CDH10: variants seen among roughly 807,000 people sequenced by gnomAD.
CDH10 encodes the protein cadherin-10.
Under a neutral mutation model 73.1 loss-of-function variants are expected in CDH10, and 30 were observed. The observed-to-expected ratio is 0.41, with a 90% CI of 0.31 to 0.56. CDH10 has a LOEUF of 0.56. Among genes scored for constraint, CDH10 ranks in the 20% least tolerant of loss-of-function variants. The probability of loss-of-function intolerance (pLI) is 0.27; values close to 1 mark genes in which losing one functional copy is unlikely to be tolerated. For synonymous variants in CDH10, 345 were observed against 348.2 expected (o/e 0.99, Z 0.10); for missense variants, 815 against 973.7 (o/e 0.84, Z 2.17).
chr5:24,561,332 T>G (rs1184080950), intron 2 of CDH10, among the ~76,000 whole-genome samples: 1 of 152,144 alleles, frequency 6.6e-6, no homozygotes, highest in East Asian at 1.9e-4. Context: ...TAATTTGAGT[T>G]TATTTCATAA....
chr5:24,539,357 T>C (rs1457309488), intron 2 of CDH10, among the ~76,000 whole-genome samples: 1 of 151,984 alleles, frequency 6.6e-6, no homozygotes, highest in African/African-American at 2.4e-5. Context: ...TTATGAGAAC[T>C]TATTTCAATG....
chr5:24,490,476 A>T (rs552232609), intron 11 of CDH10, among the ~76,000 whole-genome samples: 2 of 152,272 alleles, frequency 1.3e-5, no homozygotes, highest in South Asian at 4.1e-4. Flanking sequence ...AACTACATAA[A>T]AATCTAATCT....
At chr5:24,633,099 C>T (rs1747757022) in intron 1 of CDH10, among the ~76,000 whole-genome samples, 1 of 114,460 alleles carries the variant, frequency 8.7e-6, no homozygotes, top group Admixed American at 1.0e-4. Flanking sequence ...TTCATGTTTA[C>T]CTTCAGATAA....
At chr5:24,506,536 TTG>T (rs1742706556) in intron 7 of CDH10, among the ~76,000 whole-genome samples, 1 of 152,194 alleles carries the variant, frequency 6.6e-6, no homozygotes, top group Non-Finnish European at 1.5e-5. Flanking sequence ...ATTTACCACA[TTG>T]TGTTAGGAAT....
intron 1 of CDH10, among the ~76,000 whole-genome samples, chr5:24,626,836 G>C (rs912625045): frequency 7.5e-5 from 11 of 147,136 alleles, no homozygotes; most frequent in African/African-American, 2.5e-4. Context: ...ATATATATAA[G>C]TGTATATATA....
At chr5:24,568,790 C>T (rs1745256184) in intron 2 of CDH10, among the ~76,000 whole-genome samples, 1 of 152,014 alleles carries the variant, frequency 6.6e-6, no homozygotes, top group Non-Finnish European at 1.5e-5. Flanking sequence ...ATGGTATATA[C>T]ACAATACAAC....
At position 24,535,282 on chromosome 5, in the gene CDH10, T is replaced by C. The variant is rs1217476526; in HGVS notation, c.647-3A>G. Reference sequence around the variant, plus strand: ...CGGTAAAGCAGTCCTGATGATACCTTGAGAAAATATAAAAAAACTTCCATT... The same window carrying C: ...CGGTAAAGCAGTCCTGATGATACCTCGAGAAAATATAAAAAAACTTCCATT... On this transcript the variant is annotated splice_region_variant and splice_polypyrimidine_tract_variant and intron_variant, in intron 4 of 11. Coordinates refer to ENST00000264463, the MANE Select transcript of CDH10 (RefSeq NM_006727.5). 6 of 1,600,236 alleles carry C rather than the reference T, an allele frequency of 3.7e-6. No homozygotes were observed. The highest frequency in any genetic ancestry group is 1.8e-5 in the Admixed American group (1 of 55,582).
At chr5:24,567,396 C>A (rs1745203917) in intron 2 of CDH10, among the ~76,000 whole-genome samples, 1 of 150,890 alleles carries the variant, frequency 6.6e-6, no homozygotes, top group African/African-American at 2.4e-5. Context: ...CCCAAAATGC[C>A]CATTAACAGG....
chr5:24,533,201 C>T (rs1035816153), intron 5 of CDH10, among the ~76,000 whole-genome samples: 2 of 151,886 alleles, frequency 1.3e-5, no homozygotes, highest in Admixed American at 6.6e-5. Context: ...GTGGCATGAA[C>T]CTGTAATCCT....
intron 1 of CDH10, among the ~76,000 whole-genome samples, chr5:24,608,664 A>G (rs1746845702): frequency 6.6e-6 from 1 of 152,234 alleles, no homozygotes; most frequent in Non-Finnish European, 1.5e-5. Flanking sequence ...CTAATGTTTC[A>G]GTGAAAACAC....
intron 2 of CDH10, among the ~76,000 whole-genome samples, chr5:24,573,703 A>G (rs1302257455): frequency 6.7e-6 from 1 of 148,534 alleles, no homozygotes; most frequent in Non-Finnish European, 1.5e-5. Context: ...TCCATCTCAA[A>G]AAAAAAAAAA....
At chr5:24,560,250 G>T (rs1018292167) in intron 2 of CDH10, among the ~76,000 whole-genome samples, 1 of 132,258 alleles carries the variant, frequency 7.6e-6, no homozygotes, top group Non-Finnish European at 1.7e-5. Flanking sequence ...GTGTGTGTGT[G>T]TTTCAACATT....
chr5:24,491,404 C>T (rs1053090787), intron 11 of CDH10, among the ~76,000 whole-genome samples, 172 bp downstream of exon 11: 1 of 151,712 alleles, frequency 6.6e-6, no homozygotes, highest in African/African-American at 2.4e-5. Context: ...TTTATATATT[C>T]GTATATATTC....
intron 2 of CDH10, among the ~76,000 whole-genome samples, chr5:24,552,742 C>T (rs988347451): frequency 2.0e-5 from 3 of 151,986 alleles, no homozygotes; most frequent in Non-Finnish European, 2.9e-5. Flanking sequence ...CTCATAGCTA[C>T]TAATTGTCTA....
chr5:24,516,051 AT>A (rs1743098293), intron 5 of CDH10, among the ~76,000 whole-genome samples: 8 of 152,176 alleles, frequency 5.3e-5, no homozygotes, highest in Admixed American at 4.6e-4. Context: ...GTATGTCTTT[AT>A]TAGCAGCATG....
At chr5:24,488,179 T>G in intron 11 of CDH10, 26 bp from the exon 12 acceptor site, 1 of 1,568,252 alleles carries the variant, frequency 6.4e-7, no homozygotes, top group Non-Finnish European at 8.6e-7. Context: ...GAAGATACAT[T>G]AGACGTCCGT....
intron 2 of CDH10, among the ~76,000 whole-genome samples, chr5:24,589,126 G>A (rs1746118437): frequency 6.6e-6 from 1 of 151,994 alleles, no homozygotes; most frequent in Non-Finnish European, 1.5e-5. Context: ...ATACTGGAGT[G>A]GTACCTAGAA....
intron 9 of CDH10, among the ~76,000 whole-genome samples, chr5:24,497,291 T>C (rs1742326307): frequency 6.6e-6 from 1 of 151,744 alleles, no homozygotes; most frequent in African/African-American, 2.4e-5. Flanking sequence ...AGTAGCAAAG[T>C]GGGTAATTTA....
chr5:24,595,756 T>A (rs1359139716), intron 1 of CDH10, among the ~76,000 whole-genome samples: 4 of 151,964 alleles, frequency 2.6e-5, no homozygotes, highest in African/African-American at 7.2e-5. Flanking sequence ...CATCTCTTTT[T>A]ACATTTTTAA....
Sources: allele counts gnomAD v4.1 joint callset (sites outside exome capture counted in the v4.1 genomes callset), GRCh38; gene constraint gnomAD v4.1.1; transcripts MANE v1.5; gene names NCBI Gene and HGNC (gene_info 2026-07-23, HGNC 2026-07-21).